PLAC1: variants seen among roughly 807,000 people sequenced by gnomAD.
PLAC1 encodes placenta-specific protein 1.
For synonymous variants in PLAC1, 68 were observed against 62.1 expected (o/e 1.09, Z -0.44); for missense variants, 136 against 163.2 (o/e 0.83, Z 0.91).
intron 1 of PLAC1, 28 bp downstream of exon 1, chrX:134,658,300 T>A (rs1168017630): frequency 2.0e-4 from 22 of 112,579 alleles, no homozygotes; most frequent in Non-Finnish European, 1.9e-5. Flanking sequence ...CTCGAGAGAA[T>A]GTGGCAACAG....
chrX:134,603,340 T>C (rs2078106653), intron 1 of PLAC1, among the ~76,000 whole-genome samples: 1 of 41,298 alleles, frequency 2.4e-5, no homozygotes, highest in Non-Finnish European at 4.4e-5. Context: ...TTTTTTTTTT[T>C]TTTTTTTTCT....
intron 1 of PLAC1, among the ~76,000 whole-genome samples, chrX:134,756,142 C>G (rs1320684083): frequency 9.0e-6 from 1 of 110,667 alleles, no homozygotes; most frequent in East Asian, 2.8e-4. Flanking sequence ...TGAGCCACCA[C>G]GCCCGGCCTT....
At chrX:134,601,465 A>T (rs2078089082) in intron 2 of PLAC1, 1 of 112,121 alleles carries the variant, frequency 8.9e-6, no homozygotes, top group South Asian at 3.7e-4. Context: ...TTGCATTCCT[A>T]TTAGTGTTTG....
chrX:134,715,512 G>A (rs1444896506), intron 2 of PLAC1, among the ~76,000 whole-genome samples: 2 of 104,162 alleles, frequency 1.9e-5, no homozygotes, highest in African/African-American at 7.2e-5. Flanking sequence ...TATTCAAACC[G>A]AGCAGAGAGC....
At position 134,658,015 on chromosome X, in the gene PLAC1, T is replaced by C. The variant is rs748205554; in HGVS notation, c.-131+313A>G. ...GTGAGTGTGTGTGTGTGTGAATGTA[T>C]GATATTGATTTTAGATCTATGTGTG... On this transcript the variant is annotated intron_variant, in intron 1 of 2. Transcript: ENST00000359237. 1.3e-4 allele frequency among the ~76,000 whole-genome samples: 14 copies of C among 111,613 alleles called. No homozygotes were observed. In the Middle Eastern group the frequency reaches 0.018, roughly 146 times the overall value.
At chrX:134,699,621 G>T (rs1467864669) in intron 2 of PLAC1, among the ~76,000 whole-genome samples, 1 of 112,399 alleles carries the variant, frequency 8.9e-6, no homozygotes, top group Non-Finnish European at 1.9e-5. Flanking sequence ...TAAAATTTCT[G>T]TTGTTGGTTA....
At chrX:134,761,151 A>T (rs1033122972) in intron 1 of PLAC1, among the ~76,000 whole-genome samples, 3 of 110,708 alleles carry the variant, frequency 2.7e-5, no homozygotes, top group Non-Finnish European at 5.6e-5. Context: ...GTAATCGCTC[A>T]TACAAATATG....
At chrX:134,753,236 C>T (rs993281217) in intron 1 of PLAC1, among the ~76,000 whole-genome samples, 1 of 111,185 alleles carries the variant, frequency 9.0e-6, no homozygotes, top group Non-Finnish European at 1.9e-5. Context: ...AGATTTGTGT[C>T]GTGGCCCGAG....
intron 2 of PLAC1, chrX:134,600,737 C>T (rs1188905185): frequency 9.1e-6 from 1 of 110,278 alleles, no homozygotes; most frequent in East Asian, 2.8e-4. Flanking sequence ...GAATGTCAGC[C>T]CTCTAGCATA....
At chrX:134,738,917 G>A (rs971806146) in intron 1 of PLAC1, among the ~76,000 whole-genome samples, 2 of 112,599 alleles carry the variant, frequency 1.8e-5, no homozygotes, top group Non-Finnish European at 3.7e-5. Context: ...GAATAATTAG[G>A]AGATTTAAAA....
intron 2 of PLAC1, among the ~76,000 whole-genome samples, chrX:134,579,098 C>G (rs1171304886): frequency 9.0e-6 from 1 of 110,860 alleles, no homozygotes; most frequent in Non-Finnish European, 1.9e-5. Context: ...CAACAAATCT[C>G]AAAATACAGC....
At chrX:134,758,100 G>A (rs1306442536) in intron 1 of PLAC1, among the ~76,000 whole-genome samples, 1 of 109,969 alleles carries the variant, frequency 9.1e-6, no homozygotes, top group African/African-American at 3.3e-5. Context: ...ACAAGGAGGT[G>A]AAAGATCTCT....
intron 2 of PLAC1, among the ~76,000 whole-genome samples, chrX:134,668,415 T>G (rs1225433374): frequency 8.9e-6 from 1 of 112,264 alleles, no homozygotes; most frequent in Non-Finnish European, 1.9e-5. Context: ...GTTGCACAAC[T>G]CTAAACCTAA....
At chrX:134,633,475 T>A (rs2078270990) in intron 1 of PLAC1, among the ~76,000 whole-genome samples, 1 of 111,795 alleles carries the variant, frequency 8.9e-6, no homozygotes, top group Admixed American at 9.5e-5. Flanking sequence ...AAGCTTAATT[T>A]GTTTTTGGCT....
chrX:134,598,033 G>A (rs1336391218), intron 2 of PLAC1, among the ~76,000 whole-genome samples: 1 of 111,663 alleles, frequency 9.0e-6, no homozygotes, highest in Non-Finnish European at 1.9e-5. Flanking sequence ...TATGTTTGTT[G>A]TATATATAAT....
intron 2 of PLAC1, among the ~76,000 whole-genome samples, chrX:134,715,110 C>T (rs1250459523): frequency 8.9e-6 from 1 of 111,962 alleles, no homozygotes; most frequent in Non-Finnish European, 1.9e-5. Flanking sequence ...GCATTTAATC[C>T]TCACAACAAT....
intron 1 of PLAC1, among the ~76,000 whole-genome samples, chrX:134,610,878 A>T (rs2124397102): frequency 9.0e-6 from 1 of 111,637 alleles, no homozygotes; most frequent in South Asian, 3.8e-4. Context: ...CCCCGGCTAG[A>T]GTGCAGTGGT....
intron 2 of PLAC1, among the ~76,000 whole-genome samples, chrX:134,690,162 A>G (rs1282733944): frequency 1.8e-5 from 2 of 112,481 alleles, no homozygotes; most frequent in Non-Finnish European, 3.8e-5. Context: ...CTCAAGGTTC[A>G]TCCATGTTGT....
At chrX:134,621,316 C>A (rs1406440646) in intron 1 of PLAC1, among the ~76,000 whole-genome samples, 1 of 107,886 alleles carries the variant, frequency 9.3e-6, no homozygotes, top group African/African-American at 3.4e-5. Flanking sequence ...TGTGGTGGTG[C>A]GCAACTGTGA....
Sources: allele counts gnomAD v4.1 joint callset (sites outside exome capture counted in the v4.1 genomes callset), GRCh38; gene constraint gnomAD v4.1.1; transcripts MANE v1.5; gene names NCBI Gene and HGNC (gene_info 2026-07-23, HGNC 2026-07-21).